GAREM2: variants seen among roughly 807,000 people sequenced by gnomAD.
The protein encoded by GAREM2 is GRB2 associated regulator of MAPK1 subtype 2, also known as GRB2-associated and regulator of MAPK protein 2.
Under a neutral mutation model 55.6 loss-of-function variants are expected in GAREM2, and 30 were observed. The observed-to-expected ratio is 0.54, with a 90% CI of 0.40 to 0.73. The LOEUF (loss-of-function observed/expected upper bound fraction) is 0.73, where lower values mean the gene tolerates loss of function less well. Among genes scored for constraint, GAREM2 ranks in the 30% least tolerant of loss-of-function variants. The pLI is 0.00. For synonymous variants in GAREM2, 550 were observed against 569.1 expected (o/e 0.97, Z 0.48); for missense variants, 1,075 against 1,257.7 (o/e 0.85, Z 2.20).
chr2:26,178,381 G>T (rs1015275053), intron 2 of GAREM2, among the ~76,000 whole-genome samples: 1 of 149,662 alleles, frequency 6.7e-6, no homozygotes, highest in Non-Finnish European at 1.5e-5. Flanking sequence ...GGGCAACATA[G>T]CGAGAACAAA....
chr2:26,177,916 C>A (rs1222523791), intron 2 of GAREM2, among the ~76,000 whole-genome samples: 1 of 152,202 alleles, frequency 6.6e-6, no homozygotes, highest in Non-Finnish European at 1.5e-5. Flanking sequence ...TGTCAGCCAC[C>A]AAACCCAGCC....
chr2:26,192,981 C>T (rs1390340600), downstream of GAREM2, among the ~76,000 whole-genome samples: 6 of 152,080 alleles, frequency 3.9e-5, no homozygotes, highest in African/African-American at 1.4e-4. Flanking sequence ...TATGCAGCAC[C>T]GGGTCCTAGA....
At chr2:26,192,880 G>A (rs578262322), downstream of GAREM2, among the ~76,000 whole-genome samples, 2 of 152,338 alleles carry the variant, frequency 1.3e-5, no homozygotes, top group East Asian at 3.9e-4. Flanking sequence ...AGAAGAGTGG[G>A]CAGAGAAGGA....
At chr2:26,197,773 A>C in the GAREM2 span, 1 of 1,474,430 alleles carries the variant, frequency 6.8e-7, no homozygotes, top group Non-Finnish European at 9.5e-7. Context: ...GTGATCTGGA[A>C]TCACCTGCAG....
At chr2:26,202,722 T>C in the GAREM2 span, among the ~76,000 whole-genome samples, 43 of 152,314 alleles carry the variant, frequency 2.8e-4, no homozygotes, top group South Asian at 8.5e-3. Context: ...GCCTCGGTAA[T>C]AGAGTGAGAC....
At position 26,186,492 on chromosome 2, in the gene GAREM2, G is replaced by A. The variant is rs549745957; in HGVS notation, c.1598+134G>A. On this transcript the variant is annotated intron_variant, in intron 5 of 5. Transcript: ENST00000401533. ...GATTCCCGAGGGTGCAGCTCCCTGT[G>A]CAGTGGCTCAGGGATTGGCACTGCT... 1.4e-3 allele frequency: 1,130 copies of A among 833,130 alleles called. 2 individuals carry two copies. Among genetic ancestry groups the A allele is most frequent in the Admixed American group, 1.9e-3 (73 of 39,454 alleles). 51.6% of individuals were successfully genotyped at this position (833,130 alleles called of 1,614,324 possible).
rs577438349 is a variant in GAREM2, at chr2:26,182,219, G to A, written c.254-748G>A. ...ACTGGCAATCACTTCCGTAAAGTCT[G>A]TGTCTCCTAGGGGCATGTGCTGAGC... On this transcript the variant is annotated intron_variant, in intron 2 of 5. Transcript: ENST00000401533. 444 of 1,385,056 alleles carry A rather than the reference G, an allele frequency of 3.2e-4. 3 individuals carry two copies. The South Asian group carries it at 6.9e-3, about 21-fold the overall frequency. 85.8% of individuals were successfully genotyped at this position (1,385,056 alleles called of 1,614,324 possible). A position where few individuals can be genotyped will look rare whatever the true frequency, so the allele number is the denominator to read the frequency against.
the GAREM2 span, chr2:26,195,113 C>T: frequency 2.0e-5 from 33 of 1,613,502 alleles, no homozygotes; most frequent in East Asian, 4.5e-5. Context: ...TGATGACCTT[C>T]CCCTGCTTGA....
intron 1 of GAREM2, 143 bp from the exon 2 acceptor site, chr2:26,176,201 A>G: frequency 1.3e-6 from 1 of 745,942 alleles, no homozygotes; most frequent in Non-Finnish European, 1.9e-6. Flanking sequence ...CTGTCCCTTG[A>G]GCTTTGCTGA....
downstream of GAREM2, chr2:26,192,226 A>C: frequency 1.3e-6 from 1 of 770,398 alleles, no homozygotes; most frequent in Admixed American, 1.9e-5. Flanking sequence ...TATTAAAAAA[A>C]AAAAAAAATG....
chr2:26,186,794 G>C (rs971010843), intron 5 of GAREM2, among the ~76,000 whole-genome samples: 1 of 152,152 alleles, frequency 6.6e-6, no homozygotes, highest in Non-Finnish European at 1.5e-5. Flanking sequence ...TGGCTAACAT[G>C]GCGAAACTCC....
chr2:26,192,605 G>A (rs1305943805), downstream of GAREM2, among the ~76,000 whole-genome samples: 1 of 152,060 alleles, frequency 6.6e-6, no homozygotes, highest in Non-Finnish European at 1.5e-5. Context: ...GGCCAACATG[G>A]TGAAACCCCA....
At chr2:26,201,966 T>A in the GAREM2 span, among the ~76,000 whole-genome samples, 1 of 150,476 alleles carries the variant, frequency 6.6e-6, no homozygotes, top group South Asian at 2.1e-4. Flanking sequence ...GGCTAATTTT[T>A]TTTTTTTTTT....
downstream of GAREM2, chr2:26,194,622 T>A: frequency 6.2e-7 from 1 of 1,610,208 alleles, no homozygotes; most frequent in Non-Finnish European, 8.5e-7. Flanking sequence ...CCTGGTAGTA[T>A]AGAAGCCAGG....
the GAREM2 span, among the ~76,000 whole-genome samples, chr2:26,203,698 C>T: frequency 3.3e-5 from 5 of 152,276 alleles, no homozygotes; most frequent in South Asian, 8.3e-4. Context: ...TAATCCTTAA[C>T]AATAGAGCAA....
downstream of GAREM2, among the ~76,000 whole-genome samples, chr2:26,192,143 G>A (rs1027570520): frequency 5.3e-5 from 8 of 151,194 alleles, no homozygotes; most frequent in African/African-American, 1.9e-4. Context: ...TGGTCACAAA[G>A]AAAATGGAAG....
At position 26,185,219 on chromosome 2, in the gene GAREM2, A is replaced by C; in HGVS notation, c.1371A>C (p.Gly457=). The change falls in exon 4 of 6, where the codon GGA becomes GGC. Residue 457 remains glycine (G), a synonymous_variant. Coordinates refer to ENST00000401533, the MANE Select transcript of GAREM2 (RefSeq NM_001168241.2). The part of the protein sequence containing the change: ...GLDLISFGAA[G]PPRREPEAPP... Reference sequence around the variant, plus strand: ...ATCTCATCTCCTTCGGGGCCGCGGGACCGCCGCGTCGGGAGCCGGAAGCGC... The same window carrying C: ...ATCTCATCTCCTTCGGGGCCGCGGGCCCGCCGCGTCGGGAGCCGGAAGCGC... 6.6e-7 allele frequency: 1 copy of C among 1,520,986 alleles called. No homozygotes were observed. The highest frequency in any genetic ancestry group is 8.8e-7 in the Non-Finnish European group (1 of 1,141,196). The allele number at this position is 1,520,986 out of a possible 1,614,324, so 94.2% of individuals were successfully genotyped here. A position where few individuals can be genotyped will look rare whatever the true frequency, so the allele number is the denominator to read the frequency against.
rs574543865 is a variant in GAREM2, at chr2:26,189,301, A to G, written c.*1044A>G. 2.0e-5 allele frequency: 3 copies of G among 152,222 alleles called. No individual in the cohort carries two copies. Among genetic ancestry groups the G allele is most frequent in the Admixed American group, 6.5e-5 (1 of 15,278 alleles). The allele number at this position is 152,222 out of a possible 1,614,324, so 9.4% of individuals were successfully genotyped here. ...GCCTTTGTGCCCTTGAATCTCAAAC[A>G]TGGGGATCTGCTTGGTACCCAGAGC... On this transcript the variant is annotated 3_prime_UTR_variant, in exon 6 of 6. Transcript: ENST00000401533.
Position 26,187,488 on chromosome 2 carries a change from AT to A in GAREM2, c.1857del (p.Gln621ArgfsTer153). On this transcript the variant is annotated frameshift_variant, in exon 6 of 6. Coordinates refer to ENST00000401533, the MANE Select transcript of GAREM2 (RefSeq NM_001168241.2). LOFTEE classifies it high-confidence loss of function. ...TGCCCTCCTCTATTCAAGCCCTCAC[AT>A]CCCCAGAAGCGCTTTGCTCCGTTTG... is the stretch of plus-strand genomic sequence containing the variant. ...HSCPPLFKPS[H>X]PQKRFAPFGA... 1.3e-6 allele frequency: 2 copies of A among 1,547,026 alleles called. No individual in the cohort carries two copies. Among genetic ancestry groups the A allele is most frequent in the African/African-American group, 2.7e-5 (2 of 72,976 alleles).
Sources: allele counts gnomAD v4.1 joint callset (sites outside exome capture counted in the v4.1 genomes callset), GRCh38; gene constraint gnomAD v4.1.1; transcripts MANE v1.5; gene names NCBI Gene and HGNC (gene_info 2026-07-23, HGNC 2026-07-21).